Variants in CEP89 observed in about 807,000 individuals in gnomAD.
CEP89 encodes the protein centrosomal protein of 89 kDa.
CEP89 carries 95 observed loss-of-function variants against 97.6 expected under a neutral mutation model. The observed-to-expected ratio is 0.97, with a 90% CI of 0.82 to 1.15. The LOEUF is 1.15. CEP89 is among the 50% of genes most tolerant of loss of function. CEP89 has a pLI of 0.00. For synonymous variants in CEP89, 354 were observed against 349.1 expected, an observed-to-expected ratio of 1.01 and a Z score of -0.16; for missense variants, 869 against 947.7, an observed-to-expected ratio of 0.92 and a Z score of 1.09.
At position 32,938,721 on chromosome 19, in the gene CEP89, G is replaced by A. The variant is rs377189933; in HGVS notation, c.625-1048C>T. Among the ~76,000 whole-genome samples, 34 of 152,272 alleles carry A rather than the reference G, an allele frequency of 2.2e-4. No individual in the cohort carries two copies. In the East Asian group the frequency reaches 4.8e-3, roughly 22 times the overall value. ...CCCAGCACTTTAGGAGCCCGAGGCAGGTGGGATCGCCTGAGGTCAGGAGTC... is the reference window on the plus strand; with the variant it reads ...CCCAGCACTTTAGGAGCCCGAGGCAAGTGGGATCGCCTGAGGTCAGGAGTC... On this transcript the variant is annotated intron_variant, in intron 6 of 18. Coordinates refer to ENST00000305768, the MANE Select transcript of CEP89 (RefSeq NM_032816.5).
Position 32,900,001 on chromosome 19 carries a change from A to G in CEP89, c.1734-3T>C. 6.2e-7 allele frequency: 1 copy of G among 1,614,018 alleles called. No homozygotes were observed. The highest frequency in any genetic ancestry group is 8.5e-7 in the Non-Finnish European group (1 of 1,179,922). ...CCTCAATTTTCTTTTGAGATTTCCT[A>G]GAGAGTTACCCCAAATGGTAGAATA... On this transcript the variant is annotated splice_region_variant and splice_polypyrimidine_tract_variant and intron_variant, in intron 15 of 18. Coordinates refer to ENST00000305768, the MANE Select transcript of CEP89 (RefSeq NM_032816.5).
rs1374873995 is a variant in CEP89, at chr19:32,953,755, A to C, written c.352T>G (p.Phe118Val). Residue 118 changes from phenylalanine to valine, a missense_variant, in exon 4 of 19, where the codon TTT (phenylalanine) becomes GTT (valine). By Grantham distance (50) the Phe-to-Val change is conservative (BLOSUM62 -1). Coordinates refer to ENST00000305768, the MANE Select transcript of CEP89 (RefSeq NM_032816.5). ...EMGRRSSLPS[F>V]ETLDYGDEED... ...TCGTCCCCATAGTCCAGTGTTTCAA[A>C]GGATGGCAAAGAAGATCTTCTTCCC... 1.2e-6 allele frequency: 2 copies of C among 1,614,122 alleles called. No individual in the cohort carries two copies. The highest frequency in any genetic ancestry group is 1.7e-6 in the Non-Finnish European group (2 of 1,179,998).
At chr19:32,910,252 C>T (rs1284489501) in intron 14 of CEP89, among the ~76,000 whole-genome samples, 3 of 131,906 alleles carry the variant, frequency 2.3e-5, no homozygotes, top group East Asian at 4.4e-4. Flanking sequence ...GGTGACAGAG[C>T]GAGACTCTGC....
chr19:32,894,069 G>A (rs1052975966), intron 16 of CEP89, among the ~76,000 whole-genome samples: 1 of 152,160 alleles, frequency 6.6e-6, no homozygotes, highest in Non-Finnish European at 1.5e-5. Flanking sequence ...AGGGTGAAAC[G>A]TTCTTATAGT....
intron 9 of CEP89, among the ~76,000 whole-genome samples, chr19:32,928,212 G>A (rs907923134): frequency 6.6e-6 from 1 of 152,086 alleles, no homozygotes; most frequent in African/African-American, 2.4e-5. Context: ...CACTGCACCT[G>A]GCCTCCAGCC....
At chr19:32,963,442 T>A (rs1356093381) in intron 2 of CEP89, 1 of 152,134 alleles carries the variant, frequency 6.6e-6, no homozygotes, top group Non-Finnish European at 1.5e-5. Flanking sequence ...TCCAAAATTT[T>A]AAAAACTGAC....
intron 14 of CEP89, among the ~76,000 whole-genome samples, chr19:32,907,684 T>C (rs141889125): frequency 1.1e-3 from 160 of 152,258 alleles, no homozygotes; most frequent in African/African-American, 3.8e-3. Flanking sequence ...TCTCCTGACC[T>C]CAAGTGATCT....
At chr19:32,911,529 T>C (rs771406557) in intron 14 of CEP89, among the ~76,000 whole-genome samples, 1 of 152,188 alleles carries the variant, frequency 6.6e-6, no homozygotes, top group South Asian at 2.1e-4. Flanking sequence ...GGCACGTGCC[T>C]GTGGTCCCAG....
intron 6 of CEP89, among the ~76,000 whole-genome samples, chr19:32,939,529 T>G (rs1365595761): frequency 6.6e-6 from 1 of 151,500 alleles, no homozygotes; most frequent in African/African-American, 2.4e-5. Context: ...ATACAACAAA[T>G]TAGCTGGGTG....
rs1473472629 is a variant in CEP89, at chr19:32,933,494, C to G, written c.843G>C (p.Glu281Asp). Residue 281 changes from glutamate to aspartate, a missense_variant, in exon 8 of 19, where the codon GAG becomes GAC. Transcript: ENST00000305768. ...LQLKLKGMEK[E>D]KRKLKEAEKA... ...TCTCAGCCTCTTTGAGCTTTCTCTT[C>G]TCTTTTTCCATTCCCTTAAGTTTTA... The G allele has an allele frequency of 6.2e-7, 1 of 1,614,050 alleles. No individual in the cohort carries two copies.
chr19:32,931,177 A>C, intron 9 of CEP89: 1 of 426,976 alleles, frequency 2.3e-6, no homozygotes, highest in Admixed American at 4.3e-5. Context: ...GGCACAAGCC[A>C]CCTCATCCGG....
chr19:32,902,659 C>A (rs1969805654), intron 14 of CEP89, among the ~76,000 whole-genome samples: 1 of 152,330 alleles, frequency 6.6e-6, no homozygotes, highest in South Asian at 2.1e-4. Flanking sequence ...GTCTGGCAGA[C>A]ACCTGCTGAG....
At chr19:32,961,978 AT>A (rs763049278) in intron 2 of CEP89, among the ~76,000 whole-genome samples, 7 of 151,610 alleles carry the variant, frequency 4.6e-5, no homozygotes, top group Non-Finnish European at 1.0e-4. Flanking sequence ...TTTTGGTGCA[AT>A]TGTCACACAG....
chr19:32,892,197 TTAGACATATATATATATA>T (rs1969537706), intron 16 of CEP89, among the ~76,000 whole-genome samples: 1 of 96,084 alleles, frequency 1.0e-5, no homozygotes, highest in African/African-American at 3.3e-5. Flanking sequence ...GAATATATAT[TTAGACATATATATATATA>T]TATATATATA....
intron 8 of CEP89, among the ~76,000 whole-genome samples, chr19:32,931,977 C>T (rs369416632): frequency 1.3e-5 from 2 of 152,156 alleles, no homozygotes; most frequent in Middle Eastern, 3.4e-3. Flanking sequence ...GTGAGGAGAT[C>T]GAGACCATCC....
chr19:32,948,278 T>G lies in CEP89; in HGVS notation c.583A>C (p.Thr195Pro), dbSNP rs374225835. 1 of 1,594,098 alleles carries G rather than the reference T, an allele frequency of 6.3e-7. No individual in the cohort carries two copies. The highest frequency in any genetic ancestry group is 8.6e-7 in the Non-Finnish European group (1 of 1,167,902). ...TTTTTTTTTCTACCTTTTTGTTGTG[T>G]CCGCTGTGGTGCAGGAGGGGAGCCT... Reference protein sequence around the residue: ...FPGSPPAPQRTQQKDGKHPVL... With the variant: ...FPGSPPAPQRPQQKDGKHPVL... Residue 195 changes from threonine to proline, a missense_variant, in exon 5 of 19, where the codon ACA (threonine) becomes CCA (proline). Transcript: ENST00000305768.
chr19:32,897,058 A>C (rs1969658797), intron 16 of CEP89, among the ~76,000 whole-genome samples: 1 of 152,222 alleles, frequency 6.6e-6, no homozygotes, highest in African/African-American at 2.4e-5. Context: ...CAAAAGGGTG[A>C]GACTCTAGTT....
chr19:32,887,051 C>T (rs1969413950), intron 17 of CEP89, among the ~76,000 whole-genome samples: 1 of 149,726 alleles, frequency 6.7e-6, no homozygotes, highest in Non-Finnish European at 1.5e-5. Flanking sequence ...AATAGCCAGA[C>T]ACCATGGTGC....
intron 3 of CEP89, among the ~76,000 whole-genome samples, chr19:32,957,690 G>A (rs544838585): frequency 6.6e-6 from 1 of 152,154 alleles, no homozygotes; most frequent in Admixed American, 6.5e-5. Context: ...CACAACTGTA[G>A]TCCCAGCTAC....
Sources: gnomAD v4.1 joint callset for allele counts (sites outside exome capture counted in the v4.1 genomes callset) on GRCh38, gnomAD v4.1.1 for gene constraint, MANE v1.5 for transcripts, NCBI Gene and HGNC (gene_info 2026-07-23, HGNC 2026-07-21) for gene names.